The following FOXN3 variants were observed in gnomAD, a reference collection of about 807,000 sequenced individuals.
FOXN3 encodes the protein forkhead box N3.
FOXN3 carries 7 observed loss-of-function variants against 38.4 expected under a neutral mutation model. The ratio of observed to expected loss-of-function variants is 0.18; its 90% confidence interval spans 0.10 to 0.34. The LOEUF is 0.34. FOXN3 is among the 10% of genes least tolerant of loss of function. The pLI is 1.00. For synonymous variants in FOXN3, 230 were observed against 242.2 expected, an observed-to-expected ratio of 0.95 and a Z score of 0.47; for missense variants, 456 against 613.4, an observed-to-expected ratio of 0.74 and a Z score of 2.71.
intron 1 of FOXN3, among the ~76,000 whole-genome samples, chr14:89,433,254 T>C (rs1892200787): frequency 1.3e-5 from 2 of 151,700 alleles, no homozygotes; most frequent in Non-Finnish European, 2.9e-5. Context: ...GAGGCCAAGG[T>C]GGGCAGATCA....
At chr14:89,476,149 C>T (rs1278759817) in intron 1 of FOXN3, among the ~76,000 whole-genome samples, 1 of 152,142 alleles carries the variant, frequency 6.6e-6, no homozygotes, top group Non-Finnish European at 1.5e-5. Context: ...TTGCATGTCA[C>T]AAACACACAC....
chr14:89,416,428 G>C (rs75342496), intron 1 of FOXN3, among the ~76,000 whole-genome samples: 23,745 of 152,130 alleles, frequency 0.16, 2,274 homozygotes, highest in East Asian at 0.35. Context: ...ACAGGGCCGG[G>C]ATGAGGGGGG....
At chr14:89,585,474 G>A (rs570437893) in intron 1 of FOXN3, among the ~76,000 whole-genome samples, 1 of 152,116 alleles carries the variant, frequency 6.6e-6, no homozygotes, top group Admixed American at 6.5e-5. Context: ...ATTCCCCCCA[G>A]ATCTTTGAGG....
intron 1 of FOXN3, among the ~76,000 whole-genome samples, chr14:89,605,848 C>A (rs923545683): frequency 1.3e-5 from 2 of 152,022 alleles, no homozygotes; most frequent in Non-Finnish European, 2.9e-5. Flanking sequence ...AACGCAGTAG[C>A]TCACACTTGT....
chr14:89,471,572 G>A (rs115265414), intron 1 of FOXN3, among the ~76,000 whole-genome samples: 2,507 of 151,848 alleles, frequency 0.017, 59 homozygotes, highest in African/African-American at 0.057. Flanking sequence ...AGACAGAGCA[G>A]GACCTTGTCT....
At chr14:89,350,865 A>G (rs1257746013) in intron 2 of FOXN3, 57 bp from the exon 3 acceptor site, 3 of 1,289,346 alleles carry the variant, frequency 2.3e-6, no homozygotes, top group Non-Finnish European at 3.1e-6. Context: ...GTACTTTGCA[A>G]TAAGTAGATG....
At chr14:89,243,580 C>A (rs1011337446) in intron 4 of FOXN3, among the ~76,000 whole-genome samples, 1 of 152,168 alleles carries the variant, frequency 6.6e-6, no homozygotes, top group African/African-American at 2.4e-5. Context: ...GCAATGATAG[C>A]CAATGAGGCC....
At chr14:89,280,756 C>A (rs558192369) in intron 4 of FOXN3, among the ~76,000 whole-genome samples, 194 bp downstream of exon 4, 1 of 151,986 alleles carries the variant, frequency 6.6e-6, no homozygotes, top group South Asian at 2.1e-4. Flanking sequence ...TGATTCACAG[C>A]GACCGAGAAG....
intron 4 of FOXN3, among the ~76,000 whole-genome samples, chr14:89,275,927 C>T (rs17798831): frequency 2.6e-5 from 4 of 151,942 alleles, no homozygotes; most frequent in Non-Finnish European, 4.4e-5. Flanking sequence ...CCTCTGTGAG[C>T]TGAAAATGCC....
intron 1 of FOXN3, among the ~76,000 whole-genome samples, chr14:89,511,463 T>C (rs377313594): frequency 2.0e-5 from 3 of 151,734 alleles, no homozygotes; most frequent in Admixed American, 1.3e-4. Context: ...CAGCTAACTT[T>C]AAAAATTTTT....
At chr14:89,422,695 T>C (rs1032396134) in intron 1 of FOXN3, among the ~76,000 whole-genome samples, 6 of 152,228 alleles carry the variant, frequency 3.9e-5, no homozygotes, top group Non-Finnish European at 8.8e-5. Context: ...ATTTGAACTT[T>C]CTGGTCACCG....
chr14:89,367,246 A>G (rs1405521231), intron 2 of FOXN3, among the ~76,000 whole-genome samples: 2 of 152,126 alleles, frequency 1.3e-5, no homozygotes, highest in Admixed American at 1.3e-4. Context: ...CAACCAACAC[A>G]TCCACTTTTA....
chr14:89,514,642 C>T (rs1002101592), intron 1 of FOXN3, among the ~76,000 whole-genome samples: 2 of 152,160 alleles, frequency 1.3e-5, no homozygotes, highest in African/African-American at 2.4e-5. Flanking sequence ...ACTGTCAGGA[C>T]GGCACTATTT....
intron 1 of FOXN3, among the ~76,000 whole-genome samples, chr14:89,468,472 C>CACAT (rs1893027994): frequency 6.6e-6 from 1 of 151,914 alleles, no homozygotes; most frequent in Non-Finnish European, 1.5e-5. Flanking sequence ...CACACACACA[C>CACAT]ACATACACAC....
chr14:89,474,526 T>C (rs924824138), intron 1 of FOXN3, among the ~76,000 whole-genome samples: 5 of 152,166 alleles, frequency 3.3e-5, no homozygotes, highest in Non-Finnish European at 7.3e-5. Context: ...TTTTATGGAG[T>C]AATAATTATT....
intron 1 of FOXN3, among the ~76,000 whole-genome samples, chr14:89,509,817 T>C (rs766454613): frequency 2.6e-5 from 4 of 152,234 alleles, no homozygotes; most frequent in Non-Finnish European, 4.4e-5. Flanking sequence ...CACCAATGAA[T>C]TGTTTGCTTA....
intron 1 of FOXN3, among the ~76,000 whole-genome samples, chr14:89,564,948 G>C (rs1198265916): frequency 6.6e-6 from 1 of 151,796 alleles, no homozygotes; most frequent in Non-Finnish European, 1.5e-5. Flanking sequence ...TACAATATTA[G>C]CTGGGCGTGA....
rs956549317 is a variant in FOXN3 at position 89,395,863 on chromosome 14, T to C, written c.543+16071A>G. On this transcript the variant is annotated intron_variant, in intron 2 of 5. Transcript: ENST00000557258. ...GTCAAAGAACCAAAGATAATGAACA[T>C]AGAGTTTATCAAGACAGACAGTTAA... Among the ~76,000 whole-genome samples the C allele has an allele frequency of 3.9e-5, 6 of 151,988 alleles. No homozygotes were observed. The South Asian group carries it at 1.2e-3, about 32-fold the overall frequency.
chr14:89,185,598 A>C (rs1887784370), intron 4 of FOXN3: 1 of 152,276 alleles, frequency 6.6e-6, no homozygotes. Context: ...TGGACGTTGA[A>C]AGTCAACTTC....
Sources: gnomAD v4.1 joint callset for allele counts (sites outside exome capture counted in the v4.1 genomes callset) on GRCh38, gnomAD v4.1.1 for gene constraint, MANE v1.5 for transcripts, NCBI Gene and HGNC (gene_info 2026-07-23, HGNC 2026-07-21) for gene names.